CDH2: variants seen among roughly 807,000 people sequenced by gnomAD.
CDH2 encodes the protein cadherin 2, also known as cadherin-2.
Under a neutral mutation model 92.0 loss-of-function variants are expected in CDH2, and 17 were observed. That is an observed-to-expected ratio of 0.18 (90% CI 0.13 to 0.28). The LOEUF (loss-of-function observed/expected upper bound fraction) is 0.28. Among genes scored for constraint, CDH2 ranks in the 10% least tolerant of loss-of-function variants. The pLI, the probability that CDH2 is intolerant of heterozygous loss-of-function variation, is 1.00. For missense variants in CDH2, 862 were observed against 1,133.1 expected (o/e 0.76, Z 3.44); for synonymous variants, 419 against 415.9 (o/e 1.01, Z -0.09).
chr18:28,029,581 T>C (rs17493863), intron 2 of CDH2, among the ~76,000 whole-genome samples: 3,962 of 152,180 alleles, frequency 0.026, 175 homozygotes, highest in African/African-American at 0.09. Flanking sequence ...ATAATCCTTA[T>C]TCTCATTAAT....
intron 2 of CDH2, among the ~76,000 whole-genome samples, chr18:28,101,109 A>C (rs2015218983): frequency 6.6e-6 from 1 of 152,188 alleles, no homozygotes; most frequent in Admixed American, 6.5e-5. Flanking sequence ...GATGATTTAA[A>C]CACGTAAAAC....
At chr18:28,040,122 G>A (rs766529371) in intron 2 of CDH2, among the ~76,000 whole-genome samples, 3 of 152,170 alleles carry the variant, frequency 2.0e-5, no homozygotes, top group Admixed American at 6.6e-5. Flanking sequence ...CTTACTGAAA[G>A]TTGATTGAGC....
intron 2 of CDH2, among the ~76,000 whole-genome samples, chr18:28,073,346 G>A (rs965986789): frequency 4.6e-5 from 7 of 151,984 alleles, no homozygotes; most frequent in Admixed American, 4.6e-4. Context: ...AAGCTTAAAC[G>A]GGTTCAAGTT....
intron 2 of CDH2, among the ~76,000 whole-genome samples, chr18:28,128,823 C>T (rs2015720133): frequency 6.6e-6 from 1 of 152,148 alleles, no homozygotes; most frequent in Admixed American, 6.5e-5. Context: ...AGGCTACCTT[C>T]CACAGGACAC....
intron 2 of CDH2, among the ~76,000 whole-genome samples, chr18:28,066,204 G>T (rs1260152425): frequency 6.6e-6 from 1 of 152,058 alleles, no homozygotes; most frequent in Non-Finnish European, 1.5e-5. Context: ...TATTTCAATT[G>T]CACACAGGAA....
intron 2 of CDH2, among the ~76,000 whole-genome samples, chr18:28,107,784 AT>A (rs2015346556): frequency 6.6e-6 from 1 of 152,136 alleles, no homozygotes; most frequent in African/African-American, 2.4e-5. Context: ...TTAATTAGCC[AT>A]TTAAAAAAAA....
At chr18:27,936,993 G>A (rs1909035010) in intron 6 of CDH2, among the ~76,000 whole-genome samples, 1 of 152,060 alleles carries the variant, frequency 6.6e-6, no homozygotes. Context: ...TGAATGTGCT[G>A]GTAAAAAGAT....
intron 7 of CDH2, among the ~76,000 whole-genome samples, chr18:27,994,260 C>T (rs1299077463): frequency 6.6e-6 from 1 of 152,142 alleles, no homozygotes; most frequent in African/African-American, 2.4e-5. Context: ...TCTAACAGGG[C>T]ATATATTTGA....
intron 2 of CDH2, among the ~76,000 whole-genome samples, chr18:28,032,419 C>A (rs768196736): frequency 7.2e-5 from 11 of 152,078 alleles, no homozygotes; most frequent in Non-Finnish European, 1.0e-4. Flanking sequence ...GTAAAGATTG[C>A]ACCCACTTCC....
chr18:27,954,280 T>C (rs537500822), intron 15 of CDH2, among the ~76,000 whole-genome samples: 51 of 152,294 alleles, frequency 3.3e-4, no homozygotes, highest in Non-Finnish European at 5.3e-4. Context: ...CCTTCTGTGG[T>C]AGATTGTGTT....
At chr18:28,104,197 T>C (rs1555642153) in intron 2 of CDH2, among the ~76,000 whole-genome samples, 1 of 152,194 alleles carries the variant, frequency 6.6e-6, no homozygotes, top group Non-Finnish European at 1.5e-5. Flanking sequence ...TTATCAAAAA[T>C]TTCTTTAGGT....
chr18:28,025,045 T>G (rs2013512964), intron 2 of CDH2, among the ~76,000 whole-genome samples: 1 of 152,178 alleles, frequency 6.6e-6, no homozygotes, highest in African/African-American at 2.4e-5. Flanking sequence ...TCACTGAGGA[T>G]AAACACATTG....
intron 2 of CDH2, among the ~76,000 whole-genome samples, chr18:28,023,437 C>T (rs2013462648): frequency 6.6e-6 from 1 of 152,102 alleles, no homozygotes; most frequent in Admixed American, 6.6e-5. Context: ...GATTCTCTTG[C>T]TTCAGCCTCC....
chr18:28,107,214 A>G (rs562657594), intron 2 of CDH2, among the ~76,000 whole-genome samples: 8 of 151,828 alleles, frequency 5.3e-5, no homozygotes, highest in Admixed American at 2.0e-4. Context: ...TACATATAAT[A>G]TAAATAATAT....
At chr18:27,954,640 C>A (rs1909622279) in intron 15 of CDH2, 1 of 152,118 alleles carries the variant, frequency 6.6e-6, no homozygotes, top group Non-Finnish European at 1.5e-5. Flanking sequence ...AAGAAGTAAA[C>A]CTTCATTATT....
intron 2 of CDH2, among the ~76,000 whole-genome samples, chr18:28,093,616 AC>A (rs770524452): frequency 1.3e-4 from 20 of 152,154 alleles, no homozygotes; most frequent in Non-Finnish European, 2.2e-4. Flanking sequence ...TGTTCTCAAA[AC>A]CAACAAAAAA....
At chr18:28,143,614 G>A (rs2015988532) in intron 2 of CDH2, among the ~76,000 whole-genome samples, 1 of 151,860 alleles carries the variant, frequency 6.6e-6, no homozygotes, top group South Asian at 2.1e-4. Context: ...GGGGAATAAA[G>A]ACCTGCTCTA....
At chr18:28,083,321 G>GA (rs2014865571) in intron 2 of CDH2, among the ~76,000 whole-genome samples, 1 of 152,076 alleles carries the variant, frequency 6.6e-6, no homozygotes. Flanking sequence ...GAACTAAGAA[G>GA]AAAATGAAAG....
rs17522784 is a variant in CDH2 at position 28,036,812 on chromosome 18, C to T, written c.173-22903G>A. On this transcript the variant is annotated intron_variant, in intron 2 of 15. Coordinates refer to ENST00000269141, the MANE Select transcript of CDH2 (RefSeq NM_001792.5). ...AAAACCTTCCTGAGCTCTACTGGTC[C>T]TTTTGTCTGTTTGCAAAACAAAATA... 9.1e-3 allele frequency among the ~76,000 whole-genome samples: 1,385 copies of T among 152,246 alleles called. 28 individuals carry two copies. Among genetic ancestry groups the T allele is most frequent in the African/African-American group, 0.032 (1,328 of 41,548 alleles).
Sources: allele counts gnomAD v4.1 joint callset (sites outside exome capture counted in the v4.1 genomes callset), GRCh38; gene constraint gnomAD v4.1.1; transcripts MANE v1.5; gene names NCBI Gene and HGNC (gene_info 2026-07-23, HGNC 2026-07-21).